Variants in NBEA observed in about 807,000 individuals in gnomAD.
NBEA encodes the protein neurobeachin.
A neutral mutation model predicts 343.4 loss-of-function variants in NBEA; 44 were observed. The ratio of observed to expected loss-of-function variants is 0.13; its 90% CI spans 0.10 to 0.16. NBEA has a LOEUF of 0.16. Ranked by LOEUF, NBEA falls within the 10% of genes least tolerant of loss-of-function variation. The pLI is 1.00. For synonymous variants in NBEA, 1,175 were observed against 1,238.7 expected (o/e 0.95, Z 1.08); for missense variants, 2,555 against 3,631.3 (o/e 0.70, Z 7.62).
chr13:35,568,946 T>G (rs1261450847), intron 45 of NBEA, among the ~76,000 whole-genome samples: 1 of 152,196 alleles, frequency 6.6e-6, no homozygotes, highest in Non-Finnish European at 1.5e-5. Context: ...GAGTATTAGT[T>G]TCTCTTTGTC....
chr13:35,041,060 C>T lies in NBEA; in HGVS notation c.422C>T (p.Thr141Ile), dbSNP rs2152557902. 6.2e-7 allele frequency: 1 copy of T among 1,613,182 alleles called. No individual in the cohort carries two copies. The highest frequency in any genetic ancestry group is 2.2e-5 in the East Asian group (1 of 44,816). ...CAAGCAGAAATATGGAGCATGTTTA[C>T]AGCCATTCTACGAAAAAGTGTTCGG... The part of the protein sequence containing the change: ...TCQAEIWSMF[T>I]AILRKSVRNL... Residue 141 changes from threonine (T) to isoleucine (I), a missense_variant, in exon 2 of 59, where the codon ACA (threonine) becomes ATA (isoleucine). This residue lies in a region of NBEA where 185 missense variants were observed against 290.6 expected (regional missense o/e 0.64). Transcript: ENST00000379939.
chr13:35,103,965 A>T (rs1391295653), intron 11 of NBEA, among the ~76,000 whole-genome samples: 1 of 151,872 alleles, frequency 6.6e-6, no homozygotes, highest in Non-Finnish European at 1.5e-5. Flanking sequence ...TAGACTAGTT[A>T]TCCTAAAATG....
At chr13:35,180,373 G>T (rs2071227505) in intron 28 of NBEA, among the ~76,000 whole-genome samples, 1 of 151,620 alleles carries the variant, frequency 6.6e-6, no homozygotes, top group Non-Finnish European at 1.5e-5. Flanking sequence ...GATACTTATT[G>T]TTTCCCTGAA....
intron 34 of NBEA, among the ~76,000 whole-genome samples, chr13:35,280,689 C>A (rs2034990788): frequency 6.6e-6 from 1 of 152,106 alleles, no homozygotes; most frequent in East Asian, 1.9e-4. Flanking sequence ...TGTGTCCTGG[C>A]CTATGGTAAG....
intron 1 of NBEA, among the ~76,000 whole-genome samples, chr13:34,949,423 G>C (rs183892543): frequency 1.1e-3 from 170 of 152,290 alleles, no homozygotes; most frequent in Admixed American, 3.7e-3. Context: ...CTCAAGCCTG[G>C]TAAACAAAGG....
chr13:35,543,929 C>T (rs1354582250), intron 41 of NBEA, among the ~76,000 whole-genome samples: 3 of 152,096 alleles, frequency 2.0e-5, no homozygotes, highest in Non-Finnish European at 4.4e-5. Context: ...GTTTGTAGAT[C>T]GACTTTCCTT....
chr13:35,177,169 T>C, intron 28 of NBEA, 66 bp downstream of exon 28: 2 of 1,244,674 alleles, frequency 1.6e-6, no homozygotes, highest in Non-Finnish European at 2.3e-6. Context: ...AAATACGTTT[T>C]ATAAGAAAGC....
intron 41 of NBEA, among the ~76,000 whole-genome samples, chr13:35,517,193 G>A (rs777171861): frequency 2.0e-5 from 3 of 151,956 alleles, no homozygotes; most frequent in South Asian, 2.1e-4. Context: ...CAAGTCCTCC[G>A]CTCCCCTTCC....
intron 16 of NBEA, 88 bp from the exon 17 acceptor site, chr13:35,123,394 C>A: frequency 1.6e-6 from 1 of 612,844 alleles, no homozygotes; most frequent in Non-Finnish European, 2.5e-6. Context: ...TTATATTTCA[C>A]ATATGTATAA....
intron 33 of NBEA, among the ~76,000 whole-genome samples, chr13:35,226,129 G>T (rs566298077): frequency 1.3e-5 from 2 of 152,242 alleles, no homozygotes; most frequent in East Asian, 3.9e-4. Context: ...GTGGAAGATT[G>T]GTCTGAAGGA....
intron 46 of NBEA, among the ~76,000 whole-genome samples, chr13:35,585,107 A>G (rs2081239006): frequency 8.6e-6 from 1 of 116,958 alleles, no homozygotes; most frequent in Admixed American, 1.0e-4. Flanking sequence ...CTAGGACATA[A>G]ATATATTTAA....
At chr13:35,526,044 A>G (rs762017369) in intron 41 of NBEA, among the ~76,000 whole-genome samples, 6 of 152,176 alleles carry the variant, frequency 3.9e-5, no homozygotes, top group Non-Finnish European at 8.8e-5. Flanking sequence ...TGTGACCTTG[A>G]TGAAATAAGT....
chr13:35,652,796 G>A (rs551729116), intron 53 of NBEA, among the ~76,000 whole-genome samples: 3 of 124,672 alleles, frequency 2.4e-5, no homozygotes, highest in African/African-American at 5.9e-5. Flanking sequence ...CCGGGTTCAC[G>A]CCATTCTCCT....
At chr13:35,405,746 G>C (rs189568460) in intron 38 of NBEA, among the ~76,000 whole-genome samples, 338 of 152,140 alleles carry the variant, frequency 2.2e-3, no homozygotes, top group Admixed American at 5.6e-3. Flanking sequence ...AAGTCTTATG[G>C]GGAAGAATTT....
At chr13:35,641,677 A>G (rs2083956094) in intron 49 of NBEA, among the ~76,000 whole-genome samples, 2 of 152,112 alleles carry the variant, frequency 1.3e-5, no homozygotes, top group African/African-American at 4.8e-5. Flanking sequence ...GGGGCTAGAT[A>G]GGGGGAATAA....
chr13:35,071,321 T>C (rs1452555084), intron 10 of NBEA, among the ~76,000 whole-genome samples: 3 of 152,018 alleles, frequency 2.0e-5, no homozygotes, highest in Non-Finnish European at 4.4e-5. Context: ...TCTAGCATAA[T>C]ATTAATTGAC....
At chr13:34,960,110 CT>C (rs1308044969) in intron 1 of NBEA, among the ~76,000 whole-genome samples, 1 of 152,028 alleles carries the variant, frequency 6.6e-6, no homozygotes, top group Non-Finnish European at 1.5e-5. Flanking sequence ...CCCCTGAAGA[CT>C]TTTCAGTGGG....
intron 38 of NBEA, among the ~76,000 whole-genome samples, chr13:35,371,553 T>C (rs956698695): frequency 2.0e-5 from 3 of 152,222 alleles, no homozygotes; most frequent in African/African-American, 7.2e-5. Context: ...TTCTCTCATA[T>C]CTTACTGAGT....
At chr13:35,167,985 T>A (rs538231298) in intron 24 of NBEA, among the ~76,000 whole-genome samples, 1 of 151,962 alleles carries the variant, frequency 6.6e-6, no homozygotes, top group East Asian at 1.9e-4. Context: ...CTCCTAATAG[T>A]TTCATAATTA....
Sources: allele counts gnomAD v4.1 joint callset (sites outside exome capture counted in the v4.1 genomes callset), GRCh38; gene constraint gnomAD v4.1.1; regional missense constraint gnomAD v4.1.1; transcripts MANE v1.5; gene names NCBI Gene and HGNC (gene_info 2026-07-23, HGNC 2026-07-21).